PCDHB14: variants seen among roughly 807,000 people sequenced by gnomAD.
PCDHB14 encodes protocadherin beta 14.
For synonymous variants in PCDHB14, 511 were observed against 441.5 expected (o/e 1.16, Z -1.97); for missense variants, 1,129 against 1,000.5 (o/e 1.13, Z -1.73).
rs1554289193 is a variant in PCDHB14, at chr5:141,224,518, T to C, written c.1013T>C (p.Met338Thr). The change falls in exon 1 of 1, where the codon ATG becomes ACG. Residue 338 changes from methionine (M) to threonine (T), a missense_variant. By Grantham distance (81) the Met-to-Thr change is moderately conservative. Coordinates refer to ENST00000239449, the MANE Select transcript of PCDHB14 (RefSeq NM_018934.4). ...AAATGCACCCTTCTAGTTAAAGTTATGGATATAAACGACAACCCACCAGAA... is the reference window on the plus strand; with the variant it reads ...AAATGCACCCTTCTAGTTAAAGTTACGGATATAAACGACAACCCACCAGAA... The part of the protein sequence containing the change: ...SGKCTLLVKV[M>T]DINDNPPEVT... The C allele has an allele frequency of 6.2e-7, 1 of 1,612,942 alleles. No homozygotes were observed. The highest frequency in any genetic ancestry group is 8.5e-7 in the Non-Finnish European group (1 of 1,179,718).
Position 141,225,947 on chromosome 5 carries a change from C to T in PCDHB14, c.*45C>T, listed in dbSNP as rs1299912602. On this transcript the variant is annotated 3_prime_UTR_variant, in exon 1 of 1. Coordinates refer to ENST00000239449, the MANE Select transcript of PCDHB14 (RefSeq NM_018934.4). ...CTAATTTTTGGTTATTCTTGGCAAG[C>T]TGATGGTACTTTTTGCATAATCTTT... 4.0e-6 allele frequency: 6 copies of T among 1,504,790 alleles called. No homozygotes were observed. Among genetic ancestry groups the T allele is most frequent in the Non-Finnish European group, 5.4e-6 (6 of 1,104,412 alleles). The allele number at this position is 1,504,790 out of a possible 1,614,324, so 93.2% of individuals were successfully genotyped here.
At position 141,225,550 on chromosome 5, in the gene PCDHB14, A is replaced by G; in HGVS notation, c.2045A>G (p.Gln682Arg). ...PLPEAAPAQAQADSLTVYLVV... is the reference protein window; with the variant it reads ...PLPEAAPAQARADSLTVYLVV... ...CCTGAGGCGGCCCCGGCCCAGGCCC[A>G]GGCCGACTCCCTCACCGTCTACCTG... Residue 682 changes from glutamine (Q) to arginine (R), a missense_variant, in exon 1 of 1, where the codon CAG becomes CGG. By Grantham distance (43) the Gln-to-Arg change is conservative (BLOSUM62 1). Coordinates refer to ENST00000239449, the MANE Select transcript of PCDHB14 (RefSeq NM_018934.4). 1 of 1,610,392 alleles carries G rather than the reference A, an allele frequency of 6.2e-7. No homozygotes were observed. Among genetic ancestry groups the G allele is most frequent in the Middle Eastern group, 1.9e-4 (1 of 5,330 alleles).
rs1375577365 is a variant in PCDHB14 at position 141,227,082 on chromosome 5, T to A, written c.*1180T>A. 6.6e-6 allele frequency: 1 copy of A among 152,248 alleles called. No individual in the cohort carries two copies. Among genetic ancestry groups the A allele is most frequent in the Non-Finnish European group, 1.5e-5 (1 of 68,076 alleles). The allele number at this position is 152,248 out of a possible 1,614,324, so 9.4% of individuals were successfully genotyped here. On this transcript the variant is annotated 3_prime_UTR_variant, in exon 1 of 1. Coordinates refer to ENST00000239449, the MANE Select transcript of PCDHB14 (RefSeq NM_018934.4). ...CCTGAACTCAAGTGATCCACCTGCT[T>A]TGGCCTCCCAACGTGCTAGGATTAC...
chr5:141,224,613 A>G lies in PCDHB14; in HGVS notation c.1108A>G (p.Ile370Val). 1.9e-6 allele frequency: 3 copies of G among 1,614,156 alleles called. No individual in the cohort carries two copies. The highest frequency in any genetic ancestry group is 2.5e-6 in the Non-Finnish European group (3 of 1,180,024). Reference sequence around the variant, plus strand: ...AGAGACCCTAGTAGCTCTTTTTAGTATCCTAGACCAAGACTCTGGAGACAA... The same window carrying G: ...AGAGACCCTAGTAGCTCTTTTTAGTGTCCTAGACCAAGACTCTGGAGACAA... ...ASETLVALFS[I>V]LDQDSGDNGR... The change falls in exon 1 of 1, where the codon ATC (isoleucine) becomes GTC (valine). Residue 370 changes from isoleucine to valine, a missense_variant. Coordinates refer to ENST00000239449, the MANE Select transcript of PCDHB14 (RefSeq NM_018934.4).
In PCDHB14 at chr5:141,224,910, C is replaced by A. The variant is rs1554289275; in HGVS notation, c.1405C>A (p.His469Asn). Residue 469 changes from histidine to asparagine, a missense_variant, in exon 1 of 1, where the codon CAC (histidine) becomes AAC (asparagine). His to Asn is a moderately conservative substitution (Grantham distance 68). Transcript: ENST00000239449. ...CCGCGAGAACAACAGCCCCGCCCTG[C>A]ACATCGGCAGCGTCAGCGCCACAGA... is the stretch of plus-strand genomic sequence containing the variant. ...FVRENNSPALHIGSVSATDRD... is the reference protein window; with the variant it reads ...FVRENNSPALNIGSVSATDRD... 3.1e-6 allele frequency: 5 copies of A among 1,613,102 alleles called. No individual in the cohort carries two copies. The highest frequency in any genetic ancestry group is 4.2e-6 in the Non-Finnish European group (5 of 1,180,042).
chr5:141,224,027 C>T lies in PCDHB14; in HGVS notation c.522C>T (p.Pro174=), dbSNP rs782011844. 6.2e-7 allele frequency: 1 copy of T among 1,613,588 alleles called. No homozygotes were observed. The highest frequency in any genetic ancestry group is 8.5e-7 in the Non-Finnish European group (1 of 1,179,770). ...GTCTCCAAAACTACACAATTAGCCC[C>T]AATTCTCACTTCTACATTAAAATTC... is the stretch of plus-strand genomic sequence containing the variant. ...SNSLQNYTIS[P]NSHFYIKIPD... The change falls in exon 1 of 1, where the codon CCC becomes CCT. Residue 174 remains proline (P), a synonymous_variant. Coordinates refer to ENST00000239449, the MANE Select transcript of PCDHB14 (RefSeq NM_018934.4).
rs1165195360 is a variant in PCDHB14 at position 141,226,439 on chromosome 5, A to G, written c.*537A>G. 2.6e-5 allele frequency: 4 copies of G among 152,576 alleles called. No individual in the cohort carries two copies. Among genetic ancestry groups the G allele is most frequent in the African/African-American group, 7.2e-5 (3 of 41,466 alleles). 9.5% of individuals were successfully genotyped at this position (152,576 alleles called of 1,614,324 possible). ...ACTTTATGATGAAACTTAAGTGGTC[A>G]CATTGGAAATTATTAATTTCTTAAG... is the stretch of plus-strand genomic sequence containing the variant. On this transcript the variant is annotated 3_prime_UTR_variant, in exon 1 of 1. Transcript: ENST00000239449.
Position 141,226,774 on chromosome 5 carries a change from G to A in PCDHB14, c.*872G>A, listed in dbSNP as rs1184617184. 2.0e-5 allele frequency: 3 copies of A among 152,158 alleles called. No individual in the cohort carries two copies. The highest frequency in any genetic ancestry group is 4.4e-5 in the Non-Finnish European group (3 of 68,046). The allele number at this position is 152,158 out of a possible 1,614,324, so 9.4% of individuals were successfully genotyped here. A position where few individuals can be genotyped will look rare whatever the true frequency, so the allele number is the denominator to read the frequency against. On this transcript the variant is annotated 3_prime_UTR_variant, in exon 1 of 1. Coordinates refer to ENST00000239449, the MANE Select transcript of PCDHB14 (RefSeq NM_018934.4). ...TTTTGTACAGATGGAATCTTGCCAT[G>A]TTTCCCAGTCTGGTCTGGAACTCCT...
chr5:141,225,527 T>A lies in PCDHB14; in HGVS notation c.2022T>A (p.Pro674=), dbSNP rs139001624. 1.9e-4 allele frequency: 302 copies of A among 1,609,482 alleles called. 2 individuals are homozygous for A. The highest frequency in any genetic ancestry group is 5.8e-4 in the Middle Eastern group (3 of 5,194). ...DGFSQPYLPL[P]EAAPAQAQAD... ...TCTCCCAGCCCTACCTGCCGCTCCCTGAGGCGGCCCCGGCCCAGGCCCAGG... is the reference window on the plus strand; with the variant it reads ...TCTCCCAGCCCTACCTGCCGCTCCCAGAGGCGGCCCCGGCCCAGGCCCAGG... Residue 674 remains proline, a synonymous_variant, in exon 1 of 1, where the codon CCT becomes CCA. Coordinates refer to ENST00000239449, the MANE Select transcript of PCDHB14 (RefSeq NM_018934.4).
chr5:141,224,937 A>G lies in PCDHB14; in HGVS notation c.1432A>G (p.Arg478Gly), dbSNP rs1754808474. The G allele has an allele frequency of 1.2e-6, 2 of 1,612,788 alleles. No homozygotes were observed. Among genetic ancestry groups the G allele is most frequent in the Non-Finnish European group, 1.7e-6 (2 of 1,180,030 alleles). ...CATCGGCAGCGTCAGCGCCACAGAC[A>G]GAGACTCAGGCACCAACGCCCAGGT... The part of the protein sequence containing the change: ...LHIGSVSATD[R>G]DSGTNAQVNY... The change falls in exon 1 of 1, where the codon AGA becomes GGA. Residue 478 changes from arginine (R) to glycine (G), a missense_variant. Arg to Gly is a moderately radical substitution (Grantham distance 125). Transcript: ENST00000239449.
rs1554289186 is a variant in PCDHB14 at position 141,224,497 on chromosome 5, G to A, written c.992G>A (p.Cys331Tyr). The change falls in exon 1 of 1, where the codon TGC becomes TAC. Residue 331 changes from cysteine to tyrosine, a missense_variant. Cys to Tyr is a radical substitution (Grantham distance 194). Transcript: ENST00000239449. ...GATGGTGGGGGTCTTTCAGGAAAAT[G>A]CACCCTTCTAGTTAAAGTTATGGAT... ...ATDGGGLSGKCTLLVKVMDIN... is the reference protein window; with the variant it reads ...ATDGGGLSGKYTLLVKVMDIN... 1 of 1,613,540 alleles carries A rather than the reference G, an allele frequency of 6.2e-7. No individual in the cohort carries two copies. Among genetic ancestry groups the A allele is most frequent in the Non-Finnish European group, 8.5e-7 (1 of 1,179,848 alleles).
In PCDHB14 at chr5:141,225,091, T is replaced by A; in HGVS notation, c.1586T>A (p.Phe529Tyr). Residue 529 changes from phenylalanine to tyrosine, a missense_variant, in exon 1 of 1, where the codon TTT (phenylalanine) becomes TAT (tyrosine). Physicochemically the swap from Phe to Tyr is conservative, Grantham distance 22. Transcript: ENST00000239449. ...LDYEALQEFE[F>Y]RVGATDRGSP... ...TACGAGGCCCTACAGGAGTTCGAGT[T>A]TCGCGTGGGCGCCACAGACCGCGGG... 6.2e-7 allele frequency: 1 copy of A among 1,612,206 alleles called. No homozygotes were observed. Among genetic ancestry groups the A allele is most frequent in the Non-Finnish European group, 8.5e-7 (1 of 1,179,866 alleles).
rs782615182 is a variant in PCDHB14 at position 141,225,229 on chromosome 5, T to C, written c.1724T>C (p.Leu575Pro). 1 of 1,602,416 alleles carries C rather than the reference T, an allele frequency of 6.2e-7. No homozygotes were observed. Among genetic ancestry groups the C allele is most frequent in the Non-Finnish European group, 8.5e-7 (1 of 1,177,566 alleles). ...LQNGSAPCTE[L>P]VPRAAEPGYL... ...AACGGCTCCGCGCCCTGCACCGAGC[T>C]GGTGCCCCGGGCGGCCGAGCCGGGC... The change falls in exon 1 of 1, where the codon CTG (leucine) becomes CCG (proline). Residue 575 changes from leucine (L) to proline (P), a missense_variant. By Grantham distance (98) the Leu-to-Pro change is moderately conservative (BLOSUM62 -3). Transcript: ENST00000239449.
At position 141,224,353 on chromosome 5, in the gene PCDHB14, A is replaced by G; in HGVS notation, c.848A>G (p.His283Arg). Residue 283 changes from histidine (H) to arginine (R), a missense_variant, in exon 1 of 1, where the codon CAT becomes CGT. Physicochemically the swap from His to Arg is conservative, Grantham distance 29 (BLOSUM62 0). Transcript: ENST00000239449. ...GGAAAAATATCTTACACATTTTTCC[A>G]TGCATCAGAAGATATTCGTAAAACA... ...NYGKISYTFF[H>R]ASEDIRKTFE... is the part of the protein sequence containing the mutation. 3 of 1,611,136 alleles carry G rather than the reference A, an allele frequency of 1.9e-6. No homozygotes were observed. Among genetic ancestry groups the G allele is most frequent in the Non-Finnish European group, 2.5e-6 (3 of 1,179,158 alleles).
At position 141,225,102 on chromosome 5, in the gene PCDHB14, G is replaced by C; in HGVS notation, c.1597G>C (p.Ala533Pro). ...ALQEFEFRVGATDRGSPALSS... is the reference protein window; with the variant it reads ...ALQEFEFRVGPTDRGSPALSS... ...ACAGGAGTTCGAGTTTCGCGTGGGC[G>C]CCACAGACCGCGGGTCCCCGGCGTT... Residue 533 changes from alanine (A) to proline (P), a missense_variant, in exon 1 of 1, where the codon GCC (alanine) becomes CCC (proline). Ala to Pro is a conservative substitution (Grantham distance 27, BLOSUM62 -1). Transcript: ENST00000239449. 6.2e-7 allele frequency: 1 copy of C among 1,612,102 alleles called. No individual in the cohort carries two copies. Among genetic ancestry groups the C allele is most frequent in the South Asian group, 1.1e-5 (1 of 90,994 alleles).
rs367604638 is a variant in PCDHB14, at chr5:141,224,061, A to G, written c.556A>G (p.Ser186Gly). 3.7e-6 allele frequency: 6 copies of G among 1,613,822 alleles called. No individual in the cohort carries two copies. The African/African-American group carries it at 8.0e-5, about 22-fold the overall frequency. ...SHFYIKIPDS[S>G]DRKIYPELVL... ...CTTCTACATTAAAATTCCCGACAGT[A>G]GTGACAGAAAGATATACCCAGAGCT... Residue 186 changes from serine (S) to glycine (G), a missense_variant, in exon 1 of 1, where the codon AGT becomes GGT. By Grantham distance (56) the Ser-to-Gly change is moderately conservative (BLOSUM62 0). Transcript: ENST00000239449.
In PCDHB14 at chr5:141,224,394, A is replaced by G. The variant is rs782419796; in HGVS notation, c.889A>G (p.Ile297Val). Residue 297 changes from isoleucine (I) to valine (V), a missense_variant, in exon 1 of 1, where the codon ATA (isoleucine) becomes GTA (valine). By Grantham distance (29) the Ile-to-Val change is conservative (BLOSUM62 3). Coordinates refer to ENST00000239449, the MANE Select transcript of PCDHB14 (RefSeq NM_018934.4). ...TCGTAAAACATTTGAAATTAATCCA[A>G]TATCTGGGGAAGTTAATTTGAGATC... ...DIRKTFEINP[I>V]SGEVNLRSPL... 3.7e-6 allele frequency: 6 copies of G among 1,607,430 alleles called. No individual in the cohort carries two copies. Among genetic ancestry groups the G allele is most frequent in the East Asian group, 4.5e-5 (2 of 44,850 alleles).
chr5:141,225,540 G>T lies in PCDHB14; in HGVS notation c.2035G>T (p.Ala679Ser), dbSNP rs368197251. ...PYLPLPEAAP[A>S]QAQADSLTVY... ...CCTGCCGCTCCCTGAGGCGGCCCCG[G>T]CCCAGGCCCAGGCCGACTCCCTCAC... The change falls in exon 1 of 1, where the codon GCC becomes TCC. Residue 679 changes from alanine (A) to serine (S), a missense_variant. Physicochemically the swap from Ala to Ser is moderately conservative, Grantham distance 99 (BLOSUM62 1). Coordinates refer to ENST00000239449, the MANE Select transcript of PCDHB14 (RefSeq NM_018934.4). 2.5e-6 allele frequency: 4 copies of T among 1,609,920 alleles called. No individual in the cohort carries two copies. Among genetic ancestry groups the T allele is most frequent in the South Asian group, 1.1e-5 (1 of 91,028 alleles).
rs1754866344 is a variant in PCDHB14, at chr5:141,226,575, T to A, written c.*673T>A. 6.6e-6 allele frequency: 1 copy of A among 152,196 alleles called. No individual in the cohort carries two copies. Among genetic ancestry groups the A allele is most frequent in the Non-Finnish European group, 1.5e-5 (1 of 68,042 alleles). 9.4% of individuals were successfully genotyped at this position (152,196 alleles called of 1,614,324 possible). A position where few individuals can be genotyped will look rare whatever the true frequency, so the allele number is the denominator to read the frequency against. On this transcript the variant is annotated 3_prime_UTR_variant, in exon 1 of 1. Transcript: ENST00000239449. ...GTTTTCTTAATTTAATTCTATTTAT[T>A]TATGTTTTTTGAGACAGGGTCTCAT...
Sources: allele counts gnomAD v4.1 joint callset, GRCh38; gene constraint gnomAD v4.1.1; transcripts MANE v1.5; gene names NCBI Gene and HGNC (gene_info 2026-07-23, HGNC 2026-07-21).